Variants in PHLDB2 observed in about 807,000 individuals in gnomAD.
PHLDB2 encodes pleckstrin homology like domain family B member 2.
Under a neutral mutation model 123.6 loss-of-function variants are expected in PHLDB2, and 71 were observed. That is an observed-to-expected ratio of 0.57 (90% CI 0.47 to 0.70). The LOEUF (loss-of-function observed/expected upper bound fraction) is 0.70. PHLDB2 is among the 30% of genes least tolerant of loss of function. PHLDB2 has a pLI of 0.00. For missense variants in PHLDB2, 1,446 were observed against 1,519.5 expected (o/e 0.95, Z 0.80); for synonymous variants, 547 against 541.6 (o/e 1.01, Z -0.14).
intron 2 of PHLDB2, among the ~76,000 whole-genome samples, chr3:111,849,200 T>G (rs2064141327): frequency 6.6e-6 from 1 of 152,212 alleles, no homozygotes; most frequent in Non-Finnish European, 1.5e-5. Flanking sequence ...TGATATGGTC[T>G]CACTCTATTG....
upstream of PHLDB2, among the ~76,000 whole-genome samples, chr3:111,854,975 T>A (rs2108620701): frequency 6.6e-6 from 1 of 152,268 alleles, no homozygotes; most frequent in Admixed American, 6.5e-5. Context: ...GGATTTATGG[T>A]CAAGGTTGTT....
intron 5 of PHLDB2, among the ~76,000 whole-genome samples, chr3:111,923,347 C>G (rs772748039): frequency 2.6e-4 from 39 of 152,312 alleles, no homozygotes; most frequent in Non-Finnish European, 5.3e-4. Flanking sequence ...TTGTTTGCCT[C>G]TGTGTACCAC....
intron 1 of PHLDB2, among the ~76,000 whole-genome samples, chr3:111,767,219 A>G (rs1039398108): frequency 6.6e-6 from 1 of 152,146 alleles, no homozygotes; most frequent in African/African-American, 2.4e-5. Flanking sequence ...GAACCTGCAT[A>G]CAGAAAAGTC....
At chr3:111,917,316 C>A (rs560571102) in intron 3 of PHLDB2, 1 of 152,326 alleles carries the variant, frequency 6.6e-6, no homozygotes, top group South Asian at 2.1e-4. Context: ...TTACTCCCTA[C>A]TTGCTTATAA....
rs1051868098 is a variant in PHLDB2 at position 111,884,176 on chromosome 3, C to T, written c.99C>T (p.Asn33=). 5 of 1,614,084 alleles carry T rather than the reference C, an allele frequency of 3.1e-6. No individual in the cohort carries two copies. In the African/African-American group the frequency reaches 5.3e-5, roughly 17 times the overall value. Residue 33 remains asparagine (N), a synonymous_variant, in exon 2 of 18, where the codon AAC becomes AAT. Transcript: ENST00000431670. ...ATTCTGTTGAGAACGATTCCCAAAACATGATGGAGAGCCTCAGCCCAAAGA... is the reference window on the plus strand; with the variant it reads ...ATTCTGTTGAGAACGATTCCCAAAATATGATGGAGAGCCTCAGCCCAAAGA... ...VVHSVENDSQ[N]MMESLSPKKY...
chr3:111,786,564 A>G (rs2108151271), intron 1 of PHLDB2, among the ~76,000 whole-genome samples: 2 of 152,292 alleles, frequency 1.3e-5, no homozygotes, highest in South Asian at 2.1e-4. Context: ...GTAAATAACT[A>G]TTGTTACTTT....
intron 1 of PHLDB2, among the ~76,000 whole-genome samples, chr3:111,822,603 A>T (rs2062454146): frequency 1.3e-5 from 2 of 152,158 alleles, no homozygotes; most frequent in South Asian, 4.1e-4. Flanking sequence ...GTGAAAATTC[A>T]ATGTCTAAAA....
chr3:111,928,474 T>C (rs183355837), intron 5 of PHLDB2, among the ~76,000 whole-genome samples: 14 of 152,292 alleles, frequency 9.2e-5, no homozygotes, highest in South Asian at 8.3e-4. Flanking sequence ...TGTAACCAAA[T>C]TGGGGCCTGG....
chr3:111,911,639 T>A (rs1445264962), intron 2 of PHLDB2: 3 of 1,535,606 alleles, frequency 2.0e-6, no homozygotes, highest in South Asian at 2.4e-5. Context: ...AAGATGAGAG[T>A]GTGTAGCTAT....
At chr3:111,944,496 A>G (rs1399942525) in intron 8 of PHLDB2, among the ~76,000 whole-genome samples, 1 of 152,162 alleles carries the variant, frequency 6.6e-6, no homozygotes, top group African/African-American at 2.4e-5. Context: ...TGAATCATAG[A>G]CAAATGTAAA....
At chr3:111,732,519 G>A in exon 1 of PHLDB2, 2 of 1,093,662 alleles carry the variant, frequency 1.8e-6, no homozygotes, top group Non-Finnish European at 2.7e-6. Context: ...GCAGAGGCCA[G>A]AGAGAGCAGG....
chr3:111,962,412 A>C, intron 13 of PHLDB2, 100 bp downstream of exon 13: 1 of 1,027,624 alleles, frequency 9.7e-7, no homozygotes, highest in Non-Finnish European at 1.4e-6. Context: ...CACAAGCCCA[A>C]ATTTTTGAGA....
At chr3:111,870,626 C>G (rs541599050) in intron 1 of PHLDB2, among the ~76,000 whole-genome samples, 1 of 152,136 alleles carries the variant, frequency 6.6e-6, no homozygotes, top group South Asian at 2.1e-4. Flanking sequence ...TCAGGTTGAA[C>G]TAGATTTTTT....
chr3:111,737,418 G>A (rs1398749), intron 1 of PHLDB2, among the ~76,000 whole-genome samples: 138,821 of 152,002 alleles, frequency 0.91, 63,440 homozygotes, highest in East Asian at 1. Context: ...GTTTTGGGCA[G>A]TGATCAAGCA....
At chr3:111,853,642 G>A (rs962701166) in intron 2 of PHLDB2, among the ~76,000 whole-genome samples, 11 of 152,116 alleles carry the variant, frequency 7.2e-5, no homozygotes, top group Non-Finnish European at 8.8e-5. Flanking sequence ...TTGGAAGGCC[G>A]AGGTGGGTGG....
chr3:111,969,165 GC>G (rs2072006686), intron 15 of PHLDB2, among the ~76,000 whole-genome samples: 1 of 152,044 alleles, frequency 6.6e-6, no homozygotes, highest in South Asian at 2.1e-4. Context: ...ATAAATCTCT[GC>G]CTTCAATTTC....
intron 8 of PHLDB2, among the ~76,000 whole-genome samples, chr3:111,941,334 A>G (rs1224737283): frequency 6.6e-6 from 1 of 152,228 alleles, no homozygotes; most frequent in African/African-American, 2.4e-5. Flanking sequence ...TAATGGGGCT[A>G]GTCTCAGATC....
In PHLDB2 at chr3:111,971,268, C is replaced by G. The variant is rs540418036; in HGVS notation, c.3535+1359C>G. On this transcript the variant is annotated intron_variant, in intron 16 of 17. Coordinates refer to ENST00000431670, the MANE Select transcript of PHLDB2 (RefSeq NM_001134438.2). ...CAACTTTAAAGAACTTCACACAAAACTGCTTCACTCTTCTTCTGTGCTCCT... is the reference window on the plus strand; with the variant it reads ...CAACTTTAAAGAACTTCACACAAAAGTGCTTCACTCTTCTTCTGTGCTCCT... 1.5e-3 allele frequency among the ~76,000 whole-genome samples: 235 copies of G among 152,268 alleles called. 2 individuals carry two copies. Among genetic ancestry groups the G allele is most frequent in the African/African-American group, 5.5e-3 (228 of 41,564 alleles).
intron 16 of PHLDB2, among the ~76,000 whole-genome samples, chr3:111,973,243 A>G (rs1232973251): frequency 2.7e-5 from 1 of 36,670 alleles, no homozygotes; most frequent in African/African-American, 7.6e-5. Context: ...AAAACGGGGG[A>G]AAAATCACGC....
Sources: allele counts gnomAD v4.1 joint callset (sites outside exome capture counted in the v4.1 genomes callset), GRCh38; gene constraint gnomAD v4.1.1; transcripts MANE v1.5; gene names NCBI Gene and HGNC (gene_info 2026-07-23, HGNC 2026-07-21).